DZIP1L: variants seen among roughly 807,000 people sequenced by gnomAD.
DZIP1L encodes cilium assembly protein DZIP1L.
In DZIP1L, 90 loss-of-function variants were observed where a neutral mutation model predicts 88.7. The ratio of observed to expected loss-of-function variants is 1.02; its 90% CI spans 0.86 to 1.21. The LOEUF (loss-of-function observed/expected upper bound fraction) is 1.21. DZIP1L is among the 50% of genes most tolerant of loss of function. DZIP1L has a pLI of 0.00. For missense variants in DZIP1L, 932 were observed against 955.8 expected, an observed-to-expected ratio of 0.98 and a Z score of 0.33; for synonymous variants, 363 against 372.1, an observed-to-expected ratio of 0.98 and a Z score of 0.28.
At position 138,063,452 on chromosome 3, in the gene DZIP1L, A is replaced by C. The variant is rs1293806445; in HGVS notation, c.2143-475T>G. The stretch of plus-strand genomic sequence containing the variant: ...AGCATGAGAGGAGCTTGGGAGCAAC[A>C]GGAGTCCTTCAGCCTGGAAGGGTCT... On this transcript the variant is annotated intron_variant, in intron 15 of 15. Transcript: ENST00000327532. This position sits in a 1 kb window ranked among gnomAD's most constrained non-coding sequence, Gnocchi z 4.1. 6.6e-6 allele frequency among the ~76,000 whole-genome samples: 1 copy of C among 152,236 alleles called. No individual in the cohort carries two copies. Among genetic ancestry groups the C allele is most frequent in the Admixed American group, 6.5e-5 (1 of 15,286 alleles).
At chr3:138,106,508 A>C (rs1375487326) in intron 1 of DZIP1L, among the ~76,000 whole-genome samples, 3 of 151,854 alleles carry the variant, frequency 2.0e-5, no homozygotes, top group Non-Finnish European at 2.9e-5. Flanking sequence ...CAAAGAAGTC[A>C]TCAGCTTCAG....
At chr3:138,088,560 G>A in intron 5 of DZIP1L, 53 bp from the exon 6 acceptor site, 3 of 1,592,582 alleles carry the variant, frequency 1.9e-6, no homozygotes, top group South Asian at 2.3e-5. Context: ...TCATGATGTT[G>A]TCTTTTATAC....
intron 9 of DZIP1L, 58 bp downstream of exon 9, chr3:138,081,676 G>A: frequency 6.4e-7 from 1 of 1,551,034 alleles, no homozygotes; most frequent in Non-Finnish European, 8.8e-7. Flanking sequence ...GAAAAGGAGG[G>A]AGAAAAGCCA....
In DZIP1L at chr3:138,071,698, C is replaced by T. The variant is rs144186460; in HGVS notation, c.1560G>A (p.Ala520=). 7.4e-6 allele frequency: 12 copies of T among 1,614,098 alleles called. No homozygotes were observed. The highest frequency in any genetic ancestry group is 1.3e-5 in the African/African-American group (1 of 74,942). The part of the protein sequence containing the change: ...GKLVKEVTSR[A]KERQENGAVV... ...CAGCGCCATTCTCCTGTCTCTCCTT[C>T]GCTCTGCTGGTGACTTCCTTGACAA... The change falls in exon 12 of 16, where the codon GCG becomes GCA. Residue 520 remains alanine, a synonymous_variant. Transcript: ENST00000327532.
intron 2 of DZIP1L, chr3:138,101,421 C>G: frequency 2.8e-6 from 2 of 713,624 alleles, no homozygotes; most frequent in Non-Finnish European, 5.1e-6. Flanking sequence ...CAGCCTCCCC[C>G]GCTGGGCTCT....
At chr3:138,110,053 TG>T (rs2042592672) in intron 1 of DZIP1L, among the ~76,000 whole-genome samples, 1 of 152,224 alleles carries the variant, frequency 6.6e-6, no homozygotes. Flanking sequence ...ATGCACGTTC[TG>T]CACATGTATC....
chr3:138,070,608 G>A (rs984960762), intron 12 of DZIP1L, among the ~76,000 whole-genome samples: 1 of 152,102 alleles, frequency 6.6e-6, no homozygotes, highest in Non-Finnish European at 1.5e-5. Flanking sequence ...TAATTCACAT[G>A]AGGAAAAATA....
chr3:138,108,182 T>C, intron 1 of DZIP1L: 1 of 985,074 alleles, frequency 1.0e-6, no homozygotes, highest in Non-Finnish European at 1.2e-6. Flanking sequence ...ATGGGTGACA[T>C]GATACTCACC....
chr3:138,099,946 T>C (rs1281310729), intron 2 of DZIP1L, among the ~76,000 whole-genome samples: 3 of 152,198 alleles, frequency 2.0e-5, no homozygotes, highest in Non-Finnish European at 4.4e-5. Context: ...TAAGACAGTG[T>C]TTTTTGTATG....
intron 12 of DZIP1L, among the ~76,000 whole-genome samples, chr3:138,069,683 C>A (rs952606704): frequency 6.6e-6 from 1 of 152,202 alleles, no homozygotes; most frequent in African/African-American, 2.4e-5. Context: ...ATTTTCCCTA[C>A]AGAGGCTTGC....
chr3:138,064,297 G>A (rs1259017336), intron 15 of DZIP1L: 2 of 1,136,758 alleles, frequency 1.8e-6, no homozygotes, highest in Non-Finnish European at 2.3e-6. Context: ...ACTGTGGGAT[G>A]AGACCGGGCT....
At chr3:138,107,417 C>T (rs1021705233) in intron 1 of DZIP1L, among the ~76,000 whole-genome samples, 1 of 152,182 alleles carries the variant, frequency 6.6e-6, no homozygotes, top group Middle Eastern at 3.2e-3. Flanking sequence ...AAGGCCCTTG[C>T]CCAATATTGG....
intron 5 of DZIP1L, among the ~76,000 whole-genome samples, chr3:138,091,003 C>A (rs1434544428): frequency 6.6e-6 from 1 of 151,438 alleles, no homozygotes; most frequent in East Asian, 2.0e-4. Flanking sequence ...CCTACCTCAG[C>A]CTCCCAAGCA....
chr3:138,101,730 C>G, intron 2 of DZIP1L: 1 of 881,206 alleles, frequency 1.1e-6, no homozygotes, highest in Non-Finnish European at 1.9e-6. Context: ...CAGACTCCAG[C>G]CGGCTTTCCT....
intron 1 of DZIP1L, among the ~76,000 whole-genome samples, chr3:138,104,482 C>T (rs554962937): frequency 6.6e-6 from 1 of 152,388 alleles, no homozygotes; most frequent in African/African-American, 2.4e-5. Flanking sequence ...ATGGGTCCTT[C>T]TGCAACCCTA....
chr3:138,082,983 T>C (rs1185983712), intron 8 of DZIP1L, among the ~76,000 whole-genome samples: 2 of 152,240 alleles, frequency 1.3e-5, no homozygotes, highest in African/African-American at 4.8e-5. Flanking sequence ...ACAGTCTGGA[T>C]TCACAATGGC....
chr3:138,101,414 C>G (rs1278581740), intron 2 of DZIP1L: 2 of 707,806 alleles, frequency 2.8e-6, no homozygotes, highest in Middle Eastern at 3.8e-4. Context: ...TGCACAGCAG[C>G]CTCCCCCGCT....
intron 7 of DZIP1L, 150 bp downstream of exon 7, chr3:138,086,811 G>C: frequency 1.3e-6 from 1 of 790,432 alleles, no homozygotes; most frequent in Non-Finnish European, 2.1e-6. Flanking sequence ...GTACTGATGG[G>C]GACAGTAGCC....
At chr3:138,077,692 C>A (rs553508138) in intron 10 of DZIP1L, 60 bp from the exon 11 acceptor site, 3 of 1,593,288 alleles carry the variant, frequency 1.9e-6, no homozygotes, top group African/African-American at 2.7e-5. Flanking sequence ...ATTCCCAGAG[C>A]CCTACTGCAC....
Sources: allele counts gnomAD v4.1 joint callset (sites outside exome capture counted in the v4.1 genomes callset), GRCh38; gene constraint gnomAD v4.1.1; non-coding constraint Gnocchi (gnomAD v3.1); transcripts MANE v1.5; gene names NCBI Gene and HGNC (gene_info 2026-07-23, HGNC 2026-07-21).